The following CHRM3 variants were observed in gnomAD, a reference collection of about 807,000 sequenced individuals.
The protein encoded by CHRM3 is muscarinic acetylcholine receptor M3.
In CHRM3, 11 loss-of-function variants were observed where a neutral mutation model predicts 41.8. The observed-to-expected ratio is 0.26, with a 90% CI of 0.17 to 0.44. CHRM3 has a LOEUF of 0.44. Among genes scored for constraint, CHRM3 ranks in the 20% least tolerant of loss-of-function variants. The pLI is 1.00. For missense variants in CHRM3, 571 were observed against 745.4 expected, an observed-to-expected ratio of 0.77 and a Z score of 2.72; for synonymous variants, 297 against 301.4, an observed-to-expected ratio of 0.99 and a Z score of 0.15.
intron 5 of CHRM3, among the ~76,000 whole-genome samples, chr1:239,774,602 AAAT>A (rs1411569683): frequency 2.6e-5 from 4 of 151,190 alleles, no homozygotes; most frequent in Non-Finnish European, 5.9e-5. Context: ...TCATTAAATA[AAAT>A]AATGAGTCTG....
chr1:239,842,336 G>A (rs527415926), intron 6 of CHRM3, among the ~76,000 whole-genome samples: 3 of 152,034 alleles, frequency 2.0e-5, no homozygotes, highest in East Asian at 1.9e-4. Context: ...CCCGGTTCAA[G>A]TGATTCTCCT....
intron 5 of CHRM3, among the ~76,000 whole-genome samples, chr1:239,737,187 C>T (rs1664464222): frequency 6.6e-6 from 1 of 152,074 alleles, no homozygotes; most frequent in African/African-American, 2.4e-5. Flanking sequence ...GTCATCAGGG[C>T]ATATTTATTA....
At chr1:239,551,170 T>G (rs985455754) in intron 3 of CHRM3, among the ~76,000 whole-genome samples, 23 of 145,342 alleles carry the variant, frequency 1.6e-4, no homozygotes, top group Non-Finnish European at 3.2e-4. Flanking sequence ...TTTTTTTTTT[T>G]TGAGAGAGGG....
At chr1:239,532,009 C>CTTTTTTTTTTTTT (rs34798101) in intron 2 of CHRM3, among the ~76,000 whole-genome samples, 9 of 76,292 alleles carry the variant, frequency 1.2e-4, no homozygotes, top group Non-Finnish European at 1.2e-4. Flanking sequence ...TTCCTTCTTT[C>CTTTTTTTTTTTTT]TTTTTTTTTT....
At chr1:239,505,482 C>A (rs749011076) in intron 2 of CHRM3, among the ~76,000 whole-genome samples, 1 of 152,160 alleles carries the variant, frequency 6.6e-6, no homozygotes, top group Non-Finnish European at 1.5e-5. Context: ...AGTTTCCCTG[C>A]ACAAGCTCTC....
chr1:239,537,982 TGA>T (rs1558301060), intron 2 of CHRM3, among the ~76,000 whole-genome samples: 1 of 152,176 alleles, frequency 6.6e-6, no homozygotes. Context: ...TGCGTGTAAA[TGA>T]GTCATAAGCG....
chr1:239,549,084 T>TC (rs758538733), intron 3 of CHRM3, among the ~76,000 whole-genome samples: 1 of 151,920 alleles, frequency 6.6e-6, no homozygotes, highest in Non-Finnish European at 1.5e-5. Flanking sequence ...GCAGGGGAAC[T>TC]CCCCCTTATA....
intron 4 of CHRM3, among the ~76,000 whole-genome samples, chr1:239,662,912 T>TCTTCTTCTTCTTCTC (rs1558431473): frequency 3.8e-5 from 4 of 105,244 alleles, no homozygotes; most frequent in African/African-American, 9.9e-5. Context: ...TTCTTCTTCT[T>TCTTCTTCTTCTTCTC]CTTCTTCTTC....
At chr1:239,397,733 C>T (rs1290890168) in intron 1 of CHRM3, among the ~76,000 whole-genome samples, 1 of 145,870 alleles carries the variant, frequency 6.9e-6, no homozygotes, top group African/African-American at 2.5e-5. Context: ...AATATATATT[C>T]TATAAAAATA....
chr1:239,720,584 G>A (rs1420242378), intron 5 of CHRM3, among the ~76,000 whole-genome samples: 2 of 151,910 alleles, frequency 1.3e-5, no homozygotes, highest in Non-Finnish European at 2.9e-5. Flanking sequence ...ATTTTCAAAT[G>A]CTTAATCCTA....
chr1:239,754,971 A>G (rs553379245), intron 5 of CHRM3, among the ~76,000 whole-genome samples: 260 of 152,340 alleles, frequency 1.7e-3, no homozygotes, highest in African/African-American at 6.0e-3. Flanking sequence ...ACCCAAGGCT[A>G]TCCTATCTTG....
intron 5 of CHRM3, among the ~76,000 whole-genome samples, chr1:239,772,057 C>T (rs1386114594): frequency 3.3e-5 from 5 of 152,090 alleles, no homozygotes; most frequent in African/African-American, 1.2e-4. Flanking sequence ...ATTGAAAAGT[C>T]CAGAGGAATA....
intron 4 of CHRM3, among the ~76,000 whole-genome samples, chr1:239,643,726 G>T (rs1675433562): frequency 6.6e-6 from 1 of 152,168 alleles, no homozygotes; most frequent in African/African-American, 2.4e-5. Context: ...CTTCCCAAGT[G>T]AGGCAATGCC....
intron 5 of CHRM3, among the ~76,000 whole-genome samples, chr1:239,746,278 T>A (rs184903287): frequency 6.6e-6 from 1 of 152,340 alleles, no homozygotes; most frequent in East Asian, 1.9e-4. Context: ...AGATACTGAG[T>A]GTAAAGCCAT....
intron 3 of CHRM3, among the ~76,000 whole-genome samples, chr1:239,547,960 A>T (rs559203345): frequency 1.3e-5 from 2 of 152,164 alleles, no homozygotes; most frequent in Non-Finnish European, 2.9e-5. Flanking sequence ...GACTGTCACC[A>T]TGTTTAAAAT....
At chr1:239,895,409 T>C (rs1678911898) in intron 6 of CHRM3, among the ~76,000 whole-genome samples, 1 of 152,208 alleles carries the variant, frequency 6.6e-6, no homozygotes, top group Non-Finnish European at 1.5e-5. Context: ...ACAACCTCCA[T>C]TCCTGCCTTT....
At chr1:239,487,861 A>AAG (rs61021248) in intron 1 of CHRM3, among the ~76,000 whole-genome samples, 2,945 of 151,594 alleles carry the variant, frequency 0.019, 94 homozygotes, top group African/African-American at 0.067. Flanking sequence ...TATTTGCAAA[A>AAG]AAAAAAAACA....
chr1:239,456,071 A>G (rs2103355710), intron 1 of CHRM3, among the ~76,000 whole-genome samples: 1 of 152,262 alleles, frequency 6.6e-6, no homozygotes, highest in South Asian at 2.1e-4. Flanking sequence ...GGAACTAGGG[A>G]GGGGCAAGGA....
intron 6 of CHRM3, among the ~76,000 whole-genome samples, chr1:239,860,475 C>G (rs1675548474): frequency 6.6e-6 from 1 of 152,058 alleles, no homozygotes; most frequent in South Asian, 2.1e-4. Context: ...TATCTTTTCC[C>G]TGAAATGCCT....
Sources: gnomAD v4.1 joint callset for allele counts (sites outside exome capture counted in the v4.1 genomes callset) on GRCh38, gnomAD v4.1.1 for gene constraint, MANE v1.5 for transcripts, NCBI Gene and HGNC (gene_info 2026-07-23, HGNC 2026-07-21) for gene names.